PAPPA: variants seen among roughly 807,000 people sequenced by gnomAD.
The protein encoded by PAPPA is pappalysin-1.
Under a neutral mutation model 164.0 loss-of-function variants are expected in PAPPA, and 60 were observed. That is an observed-to-expected ratio of 0.37 (90% CI 0.30 to 0.45). The LOEUF (loss-of-function observed/expected upper bound fraction) is 0.45. PAPPA is among the 20% of genes least tolerant of loss of function. The pLI, the probability that PAPPA is intolerant of heterozygous loss-of-function variation, is 1.00. For synonymous variants in PAPPA, 875 were observed against 814.1 expected (o/e 1.07, Z -1.27); for missense variants, 1,782 against 2,087.3 (o/e 0.85, Z 2.85).
At chr9:116,204,207 T>C (rs1844204871) in intron 2 of PAPPA, among the ~76,000 whole-genome samples, 1 of 152,332 alleles carries the variant, frequency 6.6e-6, no homozygotes, top group South Asian at 2.1e-4. Context: ...TATAGGTCTA[T>C]CTGTCCAATT....
In PAPPA at chr9:116,271,525, T is replaced by C; in HGVS notation, c.2953+109T>C. On this transcript the variant is annotated intron_variant, in intron 9 of 21. Coordinates refer to ENST00000328252, the MANE Select transcript of PAPPA (RefSeq NM_002581.5). This position sits in a 1 kb window ranked among gnomAD's most constrained non-coding sequence, Gnocchi z 4.2. ...ATGACTAAATGATGATTCACTCCTT[T>C]GTATTACACCTGTTTATTGAGTGCC... 2 of 808,968 alleles carry C rather than the reference T, an allele frequency of 2.5e-6. No individual in the cohort carries two copies. The highest frequency in any genetic ancestry group is 3.4e-5 in the African/African-American group (2 of 59,498). 50.1% of individuals were successfully genotyped at this position (808,968 alleles called of 1,614,324 possible).
intron 3 of PAPPA, among the ~76,000 whole-genome samples, chr9:116,208,068 A>G (rs979904180): frequency 1.3e-5 from 2 of 152,244 alleles, no homozygotes; most frequent in African/African-American, 4.8e-5. Flanking sequence ...GTGAGTTTGC[A>G]AGAACTCTGT....
intron 15 of PAPPA, among the ~76,000 whole-genome samples, chr9:116,351,323 A>G (rs931437884): frequency 6.6e-6 from 1 of 152,270 alleles, no homozygotes; most frequent in South Asian, 2.1e-4. Context: ...AGAGCTACTA[A>G]TGAAGATGAA....
At chr9:116,262,077 T>C (rs1208211746) in intron 7 of PAPPA, among the ~76,000 whole-genome samples, 1 of 151,736 alleles carries the variant, frequency 6.6e-6, no homozygotes, top group Non-Finnish European at 1.5e-5. Flanking sequence ...TTAGCCACTG[T>C]GGTGGTGCAT....
chr9:116,374,717 G>A (rs555267615), intron 19 of PAPPA, among the ~76,000 whole-genome samples: 9 of 152,162 alleles, frequency 5.9e-5, no homozygotes, highest in African/African-American at 2.2e-4. Flanking sequence ...AATCCCTAGT[G>A]GATTCTAACT....
Position 116,319,825 on chromosome 9 carries a change from T to A in PAPPA, c.3148-11419T>A, listed in dbSNP as rs150573876. Among the ~76,000 whole-genome samples the A allele has an allele frequency of 2.2e-3, 342 of 152,304 alleles. 1 individual carries two copies. The highest frequency in any genetic ancestry group is 8.0e-3 in the African/African-American group (333 of 41,564). On this transcript the variant is annotated intron_variant, in intron 10 of 21. Transcript: ENST00000328252. Reference sequence around the variant, plus strand: ...TCTGTAGGACAAACAAGAAGGAGGATAGTAATACTGGCTTCCCGGGAATGT... The same window carrying A: ...TCTGTAGGACAAACAAGAAGGAGGAAAGTAATACTGGCTTCCCGGGAATGT...
chr9:116,184,078 C>T (rs923431427), intron 1 of PAPPA, among the ~76,000 whole-genome samples: 2 of 152,140 alleles, frequency 1.3e-5, no homozygotes, highest in African/African-American at 4.8e-5. Context: ...TTAATTTTCT[C>T]ATTAGAAGGC....
chr9:116,355,766 C>T (rs144222499), intron 17 of PAPPA, among the ~76,000 whole-genome samples: 35 of 152,282 alleles, frequency 2.3e-4, no homozygotes, highest in African/African-American at 3.1e-4. Flanking sequence ...ATGTATCAGA[C>T]GACTCAAGCA....
intron 2 of PAPPA, among the ~76,000 whole-genome samples, chr9:116,202,343 T>C (rs960553506): frequency 7.9e-5 from 12 of 152,200 alleles, no homozygotes; most frequent in Non-Finnish European, 1.5e-5. Context: ...TTAGGAAATA[T>C]TTTGTTGGCA....
At chr9:116,161,118 G>A (rs565457512) in intron 1 of PAPPA, among the ~76,000 whole-genome samples, 10 of 152,228 alleles carry the variant, frequency 6.6e-5, no homozygotes, top group Admixed American at 3.9e-4. Context: ...GAGATGTGAG[G>A]GATTAGTGCA....
In PAPPA at chr9:116,401,395, T is replaced by G. The variant is rs1405441798; in HGVS notation, c.*4779T>G. 1 of 152,574 alleles carries G rather than the reference T, an allele frequency of 6.6e-6. No homozygotes were observed. Among genetic ancestry groups the G allele is most frequent in the Non-Finnish European group, 1.5e-5 (1 of 68,004 alleles). 9.5% of individuals were successfully genotyped at this position (152,574 alleles called of 1,614,324 possible). A position where few individuals can be genotyped will look rare whatever the true frequency, so the allele number is the denominator to read the frequency against. On this transcript the variant is annotated 3_prime_UTR_variant, in exon 22 of 22. Coordinates refer to ENST00000328252, the MANE Select transcript of PAPPA (RefSeq NM_002581.5). ...TCCATTAAAAGAAGATAAGGCATTC[T>G]GAGTGCAAACAAATGGGGGCTTCTT...
chr9:116,157,582 G>A (rs1843618818), intron 1 of PAPPA, among the ~76,000 whole-genome samples: 1 of 152,060 alleles, frequency 6.6e-6, no homozygotes, highest in Non-Finnish European at 1.5e-5. Flanking sequence ...GCCGAATGGG[G>A]AGAGAGACAC....
At chr9:116,354,504 T>C (rs1299289220) in intron 17 of PAPPA, among the ~76,000 whole-genome samples, 1 of 152,220 alleles carries the variant, frequency 6.6e-6, no homozygotes, top group Non-Finnish European at 1.5e-5. Context: ...CAGGTGGGGA[T>C]AGATTTCAGT....
At chr9:116,161,917 G>A (rs748249755) in intron 1 of PAPPA, among the ~76,000 whole-genome samples, 3 of 152,148 alleles carry the variant, frequency 2.0e-5, no homozygotes, top group South Asian at 2.1e-4. Context: ...AGTTCCCTGC[G>A]TGTTCTGTGA....
chr9:116,154,377 T>C lies in PAPPA; in HGVS notation c.205T>C (p.Trp69Arg), dbSNP rs1843574082. 9.7e-6 allele frequency: 10 copies of C among 1,035,674 alleles called. No homozygotes were observed. The highest frequency in any genetic ancestry group is 1.7e-5 in the African/African-American group (1 of 58,208). 64.2% of individuals were successfully genotyped at this position (1,035,674 alleles called of 1,614,324 possible). A position where few individuals can be genotyped will look rare whatever the true frequency, so the allele number is the denominator to read the frequency against. ...GCCGCCGCCGCCGCCGGGCGGTGCC[T>C]GGGAAGCCGTGCGCGTCCCCCGGCG... ...PPPPPPPGGA[W>R]EAVRVPRRRQ... Residue 69 changes from tryptophan (W) to arginine (R), a missense_variant, in exon 1 of 22, where the codon TGG (tryptophan) becomes CGG (arginine). Transcript: ENST00000328252. The surrounding 1 kb of genome is among the most constrained non-coding windows in gnomAD (Gnocchi z 5.2).
At chr9:116,298,541 G>T (rs975151179) in intron 9 of PAPPA, among the ~76,000 whole-genome samples, 1 of 152,180 alleles carries the variant, frequency 6.6e-6, no homozygotes, top group Non-Finnish European at 1.5e-5. Flanking sequence ...CCCACTATCA[G>T]CTAGTCACCA....
In PAPPA at chr9:116,305,488, C is replaced by CAT. The variant is rs1001408940; in HGVS notation, c.3147+2539_3147+2540insTA. Among the ~76,000 whole-genome samples, 8 of 151,824 alleles carry CAT rather than the reference C, an allele frequency of 5.3e-5. No individual in the cohort carries two copies. In the South Asian group the frequency reaches 1.3e-3, roughly 24 times the overall value. On this transcript the variant is annotated intron_variant, in intron 10 of 21. Coordinates refer to ENST00000328252, the MANE Select transcript of PAPPA (RefSeq NM_002581.5). ...TCTCTCTCTCACACACACACACACA[C>CAT]ACATACATACACAAATTTACACACC... is the stretch of plus-strand genomic sequence containing the variant.
At chr9:116,378,458 A>C (rs751488764) in intron 20 of PAPPA, among the ~76,000 whole-genome samples, 13 of 152,226 alleles carry the variant, frequency 8.5e-5, no homozygotes, top group Non-Finnish European at 1.5e-4. Context: ...TCTGTGGTTC[A>C]TCCAGAGCCC....
intron 10 of PAPPA, among the ~76,000 whole-genome samples, chr9:116,330,936 C>T (rs1449548834): frequency 6.6e-6 from 1 of 152,132 alleles, no homozygotes; most frequent in East Asian, 1.9e-4. Context: ...AATGCCCTTC[C>T]TCTTATCACT....
Sources: allele counts gnomAD v4.1 joint callset (sites outside exome capture counted in the v4.1 genomes callset), GRCh38; gene constraint gnomAD v4.1.1; non-coding constraint Gnocchi (gnomAD v3.1); transcripts MANE v1.5; gene names NCBI Gene and HGNC (gene_info 2026-07-23, HGNC 2026-07-21).